Variants in ANKS1B observed in about 807,000 individuals in gnomAD.
ANKS1B encodes the protein ankyrin repeat and sterile alpha motif domain containing 1B, also known as ankyrin repeat and sterile alpha motif domain-containing protein 1B.
In ANKS1B, 36 loss-of-function variants were observed where a neutral mutation model predicts 148.3. The observed-to-expected ratio is 0.24, with a 90% CI of 0.19 to 0.32. ANKS1B has a LOEUF of 0.32. Ranked by LOEUF, ANKS1B falls within the 10% of genes least tolerant of loss-of-function variation. The pLI is 1.00. For synonymous variants in ANKS1B, 542 were observed against 560.8 expected, an observed-to-expected ratio of 0.97 and a Z score of 0.47; for missense variants, 1,157 against 1,542.6, an observed-to-expected ratio of 0.75 and a Z score of 4.19.
rs141035083 is a variant in ANKS1B, at chr12:99,817,766, T to C, written c.216-5455A>G. Among the ~76,000 whole-genome samples the C allele has an allele frequency of 8.0e-3, 1,210 of 151,924 alleles. 16 individuals carry two copies. The highest frequency in any genetic ancestry group is 0.028 in the South Asian group (135 of 4,826). ...TGCATTTCCCTGATGATTAGTGAGG[T>C]TAAGCATTTTTTCATATGCCTGTTG... On this transcript the variant is annotated intron_variant, in intron 2 of 26. Transcript: ENST00000683438.
intron 14 of ANKS1B, among the ~76,000 whole-genome samples, chr12:99,213,402 T>G (rs979469799): frequency 6.6e-6 from 1 of 152,212 alleles, no homozygotes; most frequent in African/African-American, 2.4e-5. Context: ...CTCATAGGCC[T>G]GTAAGTAGAA....
intron 17 of ANKS1B, among the ~76,000 whole-genome samples, chr12:98,918,765 G>T (rs188897045): frequency 4.6e-5 from 7 of 152,284 alleles, no homozygotes; most frequent in African/African-American, 1.4e-4. Context: ...GGGAACGGTA[G>T]TAACTACCTT....
At chr12:99,175,878 G>T (rs1274279717) in intron 14 of ANKS1B, among the ~76,000 whole-genome samples, 1 of 152,138 alleles carries the variant, frequency 6.6e-6, no homozygotes, top group Non-Finnish European at 1.5e-5. Context: ...ACCGAGTCCT[G>T]CTCTGTTGCT....
chr12:99,317,745 T>C (rs1436634579), intron 12 of ANKS1B, among the ~76,000 whole-genome samples: 2 of 152,330 alleles, frequency 1.3e-5, no homozygotes, highest in African/African-American at 4.8e-5. Context: ...CTTGTGCCAG[T>C]TTTCAAAGGG....
At chr12:99,817,642 T>G (rs763560103) in intron 2 of ANKS1B, among the ~76,000 whole-genome samples, 1 of 151,714 alleles carries the variant, frequency 6.6e-6, no homozygotes, top group Non-Finnish European at 1.5e-5. Context: ...ATGGTGTACC[T>G]GCATTCCCCT....
chr12:98,822,443 C>T (rs573117084), intron 19 of ANKS1B, among the ~76,000 whole-genome samples: 27 of 152,196 alleles, frequency 1.8e-4, no homozygotes, highest in South Asian at 2.1e-4. Flanking sequence ...GAAAATTTAA[C>T]AAGTGGAAAA....
Position 98,769,165 on chromosome 12 carries a change from CTTTTTTTTT to C in ANKS1B, c.3579+3868_3579+3876del, listed in dbSNP as rs1182264550. 3.9e-3 allele frequency among the ~76,000 whole-genome samples: 161 copies of C among 41,236 alleles called. 1 individual carries two copies. Among genetic ancestry groups the C allele is most frequent in the African/African-American group, 7.9e-3 (97 of 12,282 alleles). 27.1% of individuals were successfully genotyped at this position (41,236 alleles called of 152,430 possible). A position where few individuals can be genotyped will look rare whatever the true frequency, so the allele number is the denominator to read the frequency against. ...TTGAGGTATTATAGGGTCTTCTTTA[CTTTTTTTTT>C]TTTTTTTTTTTTTTTTTTTTGCCAT... On this transcript the variant is annotated intron_variant, in intron 25 of 26. Coordinates refer to ENST00000683438, the MANE Select transcript of ANKS1B (RefSeq NM_001352186.2).
At chr12:99,375,426 A>G (rs2093352001) in intron 12 of ANKS1B, among the ~76,000 whole-genome samples, 1 of 152,188 alleles carries the variant, frequency 6.6e-6, no homozygotes, top group Non-Finnish European at 1.5e-5. Flanking sequence ...TTGATTTGGG[A>G]AAGTTACTAT....
intron 9 of ANKS1B, among the ~76,000 whole-genome samples, chr12:99,535,505 C>T (rs1338825208): frequency 6.6e-6 from 1 of 152,212 alleles, no homozygotes; most frequent in African/African-American, 2.4e-5. Flanking sequence ...AGCCCAAAAA[C>T]TCAAATACTT....
chr12:99,787,888 C>T (rs985194078), intron 4 of ANKS1B, among the ~76,000 whole-genome samples: 1 of 152,208 alleles, frequency 6.6e-6, no homozygotes, highest in Non-Finnish European at 1.5e-5. Flanking sequence ...GACAATAAAG[C>T]TGTGTGGGGT....
At chr12:98,741,582 T>A (rs1392893417), downstream of ANKS1B, among the ~76,000 whole-genome samples, 1 of 151,904 alleles carries the variant, frequency 6.6e-6, no homozygotes, top group Non-Finnish European at 1.5e-5. Flanking sequence ...CACAGCCCCA[T>A]CCCCCTCACT....
intron 17 of ANKS1B, among the ~76,000 whole-genome samples, chr12:99,033,196 A>G (rs1488350945): frequency 1.3e-5 from 2 of 152,220 alleles, no homozygotes; most frequent in Non-Finnish European, 2.9e-5. Flanking sequence ...CTTGTGCATA[A>G]AAGTCTCCTA....
chr12:99,791,031 C>T (rs2065582885), intron 4 of ANKS1B, among the ~76,000 whole-genome samples: 1 of 151,878 alleles, frequency 6.6e-6, no homozygotes, highest in Non-Finnish European at 1.5e-5. Flanking sequence ...CTACAGGAAG[C>T]ACATGTTACC....
At chr12:99,713,567 G>T (rs1304834298) in intron 8 of ANKS1B, among the ~76,000 whole-genome samples, 3 of 152,096 alleles carry the variant, frequency 2.0e-5, no homozygotes, top group Non-Finnish European at 4.4e-5. Context: ...TTTCCCACAT[G>T]ACTGCAGAAC....
intron 15 of ANKS1B, among the ~76,000 whole-genome samples, chr12:99,088,651 C>G (rs2052823683): frequency 6.6e-6 from 1 of 151,738 alleles, no homozygotes; most frequent in African/African-American, 2.4e-5. Context: ...AGTACGGATT[C>G]TTATAGCTTT....
At chr12:98,924,199 C>A (rs2152925050) in intron 17 of ANKS1B, among the ~76,000 whole-genome samples, 1 of 152,296 alleles carries the variant, frequency 6.6e-6, no homozygotes, top group South Asian at 2.1e-4. Context: ...AAGCCCCCAG[C>A]TTCACAGAAA....
At position 98,769,165 on chromosome 12, in the gene ANKS1B, C is replaced by CTTTTTTTTTTTTTTTTTTTTTTTT. The variant is rs1182264550; in HGVS notation, c.3579+3853_3579+3876dup. Among the ~76,000 whole-genome samples, 4 of 41,232 alleles carry CTTTTTTTTTTTTTTTTTTTTTTTT rather than the reference C, an allele frequency of 9.7e-5. 1 individual carries two copies. Among genetic ancestry groups the CTTTTTTTTTTTTTTTTTTTTTTTT allele is most frequent in the Non-Finnish European group, 1.3e-4 (3 of 22,916 alleles). 27.0% of individuals were successfully genotyped at this position (41,232 alleles called of 152,430 possible). A position where few individuals can be genotyped will look rare whatever the true frequency, so the allele number is the denominator to read the frequency against. ...TTGAGGTATTATAGGGTCTTCTTTA[C>CTTTTTTTTTTTTTTTTTTTTTTTT]TTTTTTTTTTTTTTTTTTTTTTTTT... is the stretch of plus-strand genomic sequence containing the variant. On this transcript the variant is annotated intron_variant, in intron 25 of 26. Coordinates refer to ENST00000683438, the MANE Select transcript of ANKS1B (RefSeq NM_001352186.2).
intron 17 of ANKS1B, among the ~76,000 whole-genome samples, chr12:98,933,779 C>T (rs1373399643): frequency 6.6e-6 from 1 of 151,888 alleles, no homozygotes; most frequent in Non-Finnish European, 1.5e-5. Flanking sequence ...TACCTGTTGT[C>T]ATTTGCATGT....
chr12:99,258,202 G>C (rs2075507914), intron 12 of ANKS1B, among the ~76,000 whole-genome samples: 1 of 152,006 alleles, frequency 6.6e-6, no homozygotes, highest in South Asian at 2.1e-4. Flanking sequence ...AAATTGCCTT[G>C]CTCTGCATGT....
Sources: allele counts gnomAD v4.1 joint callset (sites outside exome capture counted in the v4.1 genomes callset), GRCh38; gene constraint gnomAD v4.1.1; transcripts MANE v1.5; gene names NCBI Gene and HGNC (gene_info 2026-07-23, HGNC 2026-07-21).